The following SLC25A21 variants were observed in gnomAD, a reference collection of about 807,000 sequenced individuals.
SLC25A21 encodes mitochondrial 2-oxodicarboxylate carrier.
SLC25A21 carries 47 observed loss-of-function variants against 43.8 expected under a neutral mutation model. The observed-to-expected ratio is 1.07, with a 90% CI of 0.85 to 1.37. SLC25A21 has a LOEUF of 1.37. SLC25A21 is among the 40% of genes most tolerant of loss of function. The pLI is 0.00. For missense variants in SLC25A21, 352 were observed against 350.2 expected (o/e 1.00, Z -0.04); for synonymous variants, 131 against 121.3 (o/e 1.08, Z -0.52).
intron 1 of SLC25A21, among the ~76,000 whole-genome samples, chr14:36,933,303 T>C (rs1892340109): frequency 6.6e-6 from 1 of 152,132 alleles, no homozygotes. Flanking sequence ...AAATGAATCT[T>C]CTTTCGATTG....
chr14:37,144,921 GGTGGTTGTT>G lies in SLC25A21; in HGVS notation c.70+27351_70+27359del, dbSNP rs1182374577. On this transcript the variant is annotated intron_variant, in intron 1 of 9. Coordinates refer to ENST00000331299, the MANE Select transcript of SLC25A21 (RefSeq NM_030631.4). ...GTGCTGTGATTACACGCCCAGCCTGGGTGGTTGTTGTTGTTGTTGTTGTTGTTGTTGTTG... is the reference window on the plus strand; with the variant it reads ...GTGCTGTGATTACACGCCCAGCCTGGGTTGTTGTTGTTGTTGTTGTTGTTG... Among the ~76,000 whole-genome samples, 537 of 59,330 alleles carry G rather than the reference GGTGGTTGTT, an allele frequency of 9.1e-3. 3 individuals carry two copies. The highest frequency in any genetic ancestry group is 0.024 in the Middle Eastern group (3 of 124). 38.9% of individuals were successfully genotyped at this position (59,330 alleles called of 152,430 possible).
intron 6 of SLC25A21, among the ~76,000 whole-genome samples, chr14:36,721,895 G>T (rs748492437): frequency 1.3e-5 from 2 of 152,340 alleles, no homozygotes; most frequent in Non-Finnish European, 2.9e-5. Flanking sequence ...ACTTTTGAAA[G>T]TAAATGTTCA....
intron 1 of SLC25A21, among the ~76,000 whole-genome samples, chr14:37,021,169 T>A (rs1387624314): frequency 6.6e-6 from 1 of 151,992 alleles, no homozygotes; most frequent in Admixed American, 6.6e-5. Context: ...CCGATTGTGA[T>A]GATGACTGCT....
intron 3 of SLC25A21, among the ~76,000 whole-genome samples, chr14:36,762,035 A>G (rs1395480800): frequency 6.6e-6 from 1 of 152,242 alleles, no homozygotes. Flanking sequence ...GATTATAGGT[A>G]GATTTCAATC....
intron 4 of SLC25A21, among the ~76,000 whole-genome samples, chr14:36,731,216 G>A (rs915415211): frequency 1.3e-5 from 2 of 152,120 alleles, no homozygotes; most frequent in Non-Finnish European, 2.9e-5. Context: ...CTCGTGATCC[G>A]ACCGCCTCGG....
chr14:36,680,771 G>T, intron 9 of SLC25A21, 52 bp from the exon 10 acceptor site: 2 of 1,526,842 alleles, frequency 1.3e-6, no homozygotes, highest in Non-Finnish European at 1.8e-6. Flanking sequence ...AATAGCACTG[G>T]CTTTCCCACT....
Position 36,883,167 on chromosome 14 carries a change from C to T in SLC25A21, c.71-8163G>A, listed in dbSNP as rs1267561404. Among the ~76,000 whole-genome samples, 3 of 152,104 alleles carry T rather than the reference C, an allele frequency of 2.0e-5. No homozygotes were observed. In the East Asian group the frequency reaches 5.8e-4, roughly 29 times the overall value. On this transcript the variant is annotated intron_variant, in intron 1 of 9. Transcript: ENST00000331299. ...GTCAACAATGGCTCCCCATTATATT[C>T]AGACGAAAGCTACCTGTAACCCCAG...
At chr14:37,012,232 G>A (rs1436284489) in intron 1 of SLC25A21, among the ~76,000 whole-genome samples, 1 of 152,194 alleles carries the variant, frequency 6.6e-6, no homozygotes, top group Non-Finnish European at 1.5e-5. Context: ...AGCATGATAT[G>A]TAGTCTATAT....
intron 1 of SLC25A21, among the ~76,000 whole-genome samples, chr14:36,875,376 G>C (rs1890490850): frequency 6.6e-6 from 1 of 152,116 alleles, no homozygotes; most frequent in Non-Finnish European, 1.5e-5. Flanking sequence ...AGGAAGAGCA[G>C]GAGGCTCTTT....
intron 5 of SLC25A21, among the ~76,000 whole-genome samples, chr14:36,725,915 C>A (rs569915199): frequency 6.6e-6 from 1 of 152,158 alleles, no homozygotes; most frequent in Non-Finnish European, 1.5e-5. Context: ...AATGTCAAAG[C>A]CCCATCAACA....
rs61052100 is a variant in SLC25A21 at position 37,156,158 on chromosome 14, C to CAA, written c.70+16121_70+16122dup. 1.2e-4 allele frequency among the ~76,000 whole-genome samples: 12 copies of CAA among 103,778 alleles called. No homozygotes were observed. In the East Asian group the frequency reaches 1.5e-3, roughly 13 times the overall value. 68.1% of individuals were successfully genotyped at this position (103,778 alleles called of 152,430 possible). A position where few individuals can be genotyped will look rare whatever the true frequency, so the allele number is the denominator to read the frequency against. ...TGGGTGACAGAGTGAGACTCCATCT[C>CAA]AAAAAAAAAAAAAAAAAAATACACG... On this transcript the variant is annotated intron_variant, in intron 1 of 9. Coordinates refer to ENST00000331299, the MANE Select transcript of SLC25A21 (RefSeq NM_030631.4).
chr14:36,854,786 A>G (rs1240181254), intron 2 of SLC25A21, among the ~76,000 whole-genome samples: 1 of 152,178 alleles, frequency 6.6e-6, no homozygotes. Context: ...ATGTCATTCT[A>G]AAAAGTCTGG....
At chr14:37,023,251 C>T (rs1290928029) in intron 1 of SLC25A21, among the ~76,000 whole-genome samples, 2 of 151,910 alleles carry the variant, frequency 1.3e-5, no homozygotes, top group Non-Finnish European at 2.9e-5. Context: ...AGTCTTTTCC[C>T]CTAGTATAGA....
rs1393496218 is a variant in SLC25A21, at chr14:37,114,057, AATGTATAGC to A, written c.70+58215_70+58223del. Among the ~76,000 whole-genome samples, 3 of 152,152 alleles carry A rather than the reference AATGTATAGC, an allele frequency of 2.0e-5. No homozygotes were observed. In the East Asian group the frequency reaches 5.8e-4, roughly 29 times the overall value. On this transcript the variant is annotated intron_variant, in intron 1 of 9. Coordinates refer to ENST00000331299, the MANE Select transcript of SLC25A21 (RefSeq NM_030631.4). ...AGGTTAAACATGGTGATGCAACAAA[AATGTATAGC>A]ATGTTCTGACATTCCATTTTTCTTC...
At chr14:37,079,378 G>A (rs1962343004) in intron 1 of SLC25A21, among the ~76,000 whole-genome samples, 1 of 151,982 alleles carries the variant, frequency 6.6e-6, no homozygotes. Context: ...CTTGTCTTTG[G>A]TGTCTACCCA....
intron 1 of SLC25A21, among the ~76,000 whole-genome samples, chr14:37,013,049 T>G (rs1960767505): frequency 6.6e-6 from 1 of 152,190 alleles, no homozygotes; most frequent in African/African-American, 2.4e-5. Flanking sequence ...ATTGTTTATT[T>G]AAAAATATAT....
At chr14:36,777,245 G>A (rs927050694) in intron 3 of SLC25A21, among the ~76,000 whole-genome samples, 5 of 152,192 alleles carry the variant, frequency 3.3e-5, no homozygotes, top group Admixed American at 1.3e-4. Context: ...GCAACACAGC[G>A]AGACTCTGTC....
At chr14:36,966,940 T>C (rs898139796) in intron 1 of SLC25A21, among the ~76,000 whole-genome samples, 1 of 152,196 alleles carries the variant, frequency 6.6e-6, no homozygotes, top group Non-Finnish European at 1.5e-5. Context: ...TGAACTTTTA[T>C]TTCTCTATAA....
At chr14:37,002,559 A>C (rs1344349283) in intron 1 of SLC25A21, among the ~76,000 whole-genome samples, 2 of 152,198 alleles carry the variant, frequency 1.3e-5, no homozygotes, top group Non-Finnish European at 2.9e-5. Flanking sequence ...AAGTGAGTCA[A>C]TTCCTCTGTA....
Sources: gnomAD v4.1 joint callset for allele counts (sites outside exome capture counted in the v4.1 genomes callset) on GRCh38, gnomAD v4.1.1 for gene constraint, MANE v1.5 for transcripts, NCBI Gene and HGNC (gene_info 2026-07-23, HGNC 2026-07-21) for gene names.